CDH26: variants seen among roughly 807,000 people sequenced by gnomAD.
CDH26 encodes cadherin-like protein 26.
CDH26 carries 83 observed loss-of-function variants against 90.3 expected under a neutral mutation model. The observed-to-expected ratio is 0.92, with a 90% CI of 0.77 to 1.10. CDH26 has a LOEUF of 1.10. Among genes scored for constraint, CDH26 ranks in the 50% least tolerant of loss-of-function variants. The pLI is 0.00. For missense variants in CDH26, 1,013 were observed against 1,037.6 expected (o/e 0.98, Z 0.33); for synonymous variants, 397 against 396.3 (o/e 1.00, Z -0.02).
Position 60,001,330 on chromosome 20 carries a change from A to AT in CDH26, c.2098-9dup, listed in dbSNP as rs1266765156. ...TCCATTCTCTTTTGAGTAAATCAGC[A>AT]TTTTCCCTCTAGGATCTCGAGGAAG... is the stretch of plus-strand genomic sequence containing the variant. On this transcript the variant is annotated splice_polypyrimidine_tract_variant and intron_variant, in intron 14 of 17. Transcript: ENST00000348616. The AT allele has an allele frequency of 1.2e-6, 2 of 1,613,822 alleles. No individual in the cohort carries two copies. The highest frequency in any genetic ancestry group is 3.3e-5 in the Admixed American group (2 of 60,006).
rs778007200 is a variant in CDH26, at chr20:59,988,903, GC to G, written c.1025del (p.Pro342LeufsTer42). 1.2e-4 allele frequency: 187 copies of G among 1,613,376 alleles called. 1 individual carries two copies. Among genetic ancestry groups the G allele is most frequent in the Middle Eastern group, 3.3e-4 (2 of 5,984 alleles). On this transcript the variant is annotated frameshift_variant and splice_region_variant, in exon 9 of 18. Transcript: ENST00000348616. LOFTEE classifies it high-confidence loss of function. ...TNEGILNVIK[P>X]LDYETRPAQS... ...ATGAAATCCTCTCTCTGGGGTTCCA[GC>G]CTTTGGATTATGAGACTCGCCCAGC...
intron 14 of CDH26, among the ~76,000 whole-genome samples, chr20:60,000,675 C>T (rs1184136217): frequency 6.6e-6 from 1 of 152,180 alleles, no homozygotes; most frequent in African/African-American, 2.4e-5. Flanking sequence ...CCCTATTTTA[C>T]AGGGGAGGGA....
At chr20:60,002,959 G>GA (rs1464264004) in intron 16 of CDH26, 93 bp downstream of exon 16, 7 of 888,096 alleles carry the variant, frequency 7.9e-6, no homozygotes, top group Non-Finnish European at 1.6e-6. Context: ...AATTTGGAAG[G>GA]AAAGAGGTGA....
chr20:59,999,782 G>A, intron 14 of CDH26, 119 bp downstream of exon 14: 1 of 843,362 alleles, frequency 1.2e-6, no homozygotes, highest in East Asian at 2.6e-5. Flanking sequence ...TCTTCTTCAA[G>A]TCAGCAACCC....
At chr20:59,983,682 G>A (rs1198879173) in intron 5 of CDH26, among the ~76,000 whole-genome samples, 1 of 152,052 alleles carries the variant, frequency 6.6e-6, no homozygotes, top group African/African-American at 2.4e-5. Context: ...TTATATATGT[G>A]TATGCATTCA....
At chr20:59,977,571 G>T (rs1171191702) in intron 4 of CDH26, among the ~76,000 whole-genome samples, 2 of 133,198 alleles carry the variant, frequency 1.5e-5, no homozygotes, top group Admixed American at 7.0e-5. Context: ...TGTAAGTAGG[G>T]ACATCATTTT....
At chr20:60,006,637 G>T in intron 16 of CDH26, 76 bp from the exon 17 acceptor site, 1 of 1,034,684 alleles carries the variant, frequency 9.7e-7, no homozygotes, top group East Asian at 2.4e-5. Flanking sequence ...TCTATGCTGG[G>T]GCCACTGACA....
At chr20:60,008,031 A>C (rs1016680176) in intron 17 of CDH26, among the ~76,000 whole-genome samples, 3 of 152,166 alleles carry the variant, frequency 2.0e-5, no homozygotes, top group Admixed American at 6.5e-5. Context: ...GCCAGTCCAC[A>C]TGCTCGTGTC....
intron 14 of CDH26, among the ~76,000 whole-genome samples, 156 bp downstream of exon 14, chr20:59,999,819 T>C (rs2061652127): frequency 6.6e-6 from 1 of 152,184 alleles, no homozygotes; most frequent in African/African-American, 2.4e-5. Flanking sequence ...AGCCCCATGG[T>C]TCCCTTAGCC....
At chr20:60,000,496 C>T (rs2061661773) in intron 14 of CDH26, among the ~76,000 whole-genome samples, 1 of 152,206 alleles carries the variant, frequency 6.6e-6, no homozygotes, top group Non-Finnish European at 1.5e-5. Context: ...TACAAACTTG[C>T]CTCCTGGGCT....
Position 60,001,389 on chromosome 20 carries a change from C to T in CDH26, c.2144C>T (p.Ala715Val), listed in dbSNP as rs1210383891. 1.9e-6 allele frequency: 3 copies of T among 1,614,082 alleles called. No individual in the cohort carries two copies. Among genetic ancestry groups the T allele is most frequent in the Non-Finnish European group, 2.5e-6 (3 of 1,180,012 alleles). ...TCTGCAGCGAGTCAGTCAGCCCAAGCACGCTGTGCTCTGGGGAGCTGGGTG... is the reference window on the plus strand; with the variant it reads ...TCTGCAGCGAGTCAGTCAGCCCAAGTACGCTGTGCTCTGGGGAGCTGGGTG... ...PPSAASQSAQARCALGSWGYG... is the reference protein window; with the variant it reads ...PPSAASQSAQVRCALGSWGYG... The change falls in exon 15 of 18, where the codon GCA (alanine) becomes GTA (valine). Residue 715 changes from alanine (A) to valine (V), a missense_variant. Coordinates refer to ENST00000348616, the MANE Select transcript of CDH26 (RefSeq NM_177980.4).
chr20:59,972,260 G>A (rs187891305), intron 4 of CDH26, 137 bp downstream of exon 4: 7 of 734,870 alleles, frequency 9.5e-6, no homozygotes, highest in Admixed American at 5.8e-5. Flanking sequence ...CAAGCTTTAC[G>A]AGTATGCCTG....
At chr20:60,010,046 C>T (rs1419893574) in intron 17 of CDH26, among the ~76,000 whole-genome samples, 1 of 152,262 alleles carries the variant, frequency 6.6e-6, no homozygotes, top group African/African-American at 2.4e-5. Context: ...GGTGAGCATT[C>T]CCGCGCTTCT....
Position 60,004,746 on chromosome 20 carries a change from A to G in CDH26, c.2220+1880A>G, listed in dbSNP as rs916867147. ...GCGCCACTGCACTCCAGCCTGGGTG[A>G]CAGAGCGAGACTCCATCTCAAAAAA... On this transcript the variant is annotated intron_variant, in intron 16 of 17. Coordinates refer to ENST00000348616, the MANE Select transcript of CDH26 (RefSeq NM_177980.4). Among the ~76,000 whole-genome samples the G allele has an allele frequency of 4.1e-5, 6 of 146,068 alleles. 1 individual carries two copies. The highest frequency in any genetic ancestry group is 3.4e-4 in the Admixed American group (5 of 14,698).
Position 59,971,982 on chromosome 20 carries a change from T to TAACATGTCACATTA in CDH26, c.262_263insATTAAACATGTCAC (p.Leu88HisfsTer2), listed in dbSNP as rs767026394. ...TCCAGCTGTTCAATAATATGTCTTA[T>TAACATGTCACATTA]AACATGTCACTAATGTATCTAATCA... is the stretch of plus-strand genomic sequence containing the variant. On this transcript the variant is annotated frameshift_variant, in exon 4 of 18. Coordinates refer to ENST00000348616, the MANE Select transcript of CDH26 (RefSeq NM_177980.4). LOFTEE classifies it high-confidence loss of function. The TAACATGTCACATTA allele has an allele frequency of 6.2e-7, 1 of 1,613,704 alleles. No individual in the cohort carries two copies. Among genetic ancestry groups the TAACATGTCACATTA allele is most frequent in the East Asian group, 2.2e-5 (1 of 44,882 alleles).
At chr20:60,019,732 T>C (rs2061936451) in intron 7 of CDH26, among the ~76,000 whole-genome samples, 1 of 152,216 alleles carries the variant, frequency 6.6e-6, no homozygotes, top group South Asian at 2.1e-4. Context: ...ACTAGAGAAT[T>C]ATTATGTTCC....
At chr20:60,027,195 AG>A (rs2062004663) in intron 7 of CDH26, among the ~76,000 whole-genome samples, 1 of 152,156 alleles carries the variant, frequency 6.6e-6, no homozygotes, top group South Asian at 2.1e-4. Flanking sequence ...CTCAGCCAGT[AG>A]GGGCCTCAAG....
chr20:59,990,038 T>C (rs1166500255), intron 9 of CDH26, among the ~76,000 whole-genome samples: 1 of 152,176 alleles, frequency 6.6e-6, no homozygotes, highest in Non-Finnish European at 1.5e-5. Flanking sequence ...CTTCTCCAGC[T>C]CCTGGCCTCC....
chr20:60,010,687 G>C (rs1008714131), intron 17 of CDH26, among the ~76,000 whole-genome samples: 2 of 152,226 alleles, frequency 1.3e-5, no homozygotes, highest in Non-Finnish European at 2.9e-5. Flanking sequence ...TCTGGGGTTT[G>C]TGCAGAGGGT....
Sources: gnomAD v4.1 joint callset for allele counts (sites outside exome capture counted in the v4.1 genomes callset) on GRCh38, gnomAD v4.1.1 for gene constraint, MANE v1.5 for transcripts, NCBI Gene and HGNC (gene_info 2026-07-23, HGNC 2026-07-21) for gene names.